The following ZNF491 variants were observed in gnomAD, a reference collection of about 807,000 sequenced individuals.
The protein encoded by ZNF491 is zinc finger protein 491.
A neutral mutation model predicts 34.7 loss-of-function variants in ZNF491; 22 were observed. That is an observed-to-expected ratio of 0.63 (90% CI 0.45 to 0.90). The LOEUF is 0.90. ZNF491 is among the 40% of genes least tolerant of loss of function. ZNF491 has a pLI of 0.00. For missense variants in ZNF491, 559 were observed against 531.7 expected, an observed-to-expected ratio of 1.05 and a Z score of -0.51; for synonymous variants, 148 against 174.3, an observed-to-expected ratio of 0.85 and a Z score of 1.19.
chr19:11,802,341 T>A (rs55972630), intron 1 of ZNF491, among the ~76,000 whole-genome samples: 1 of 152,198 alleles, frequency 6.6e-6, no homozygotes, highest in East Asian at 1.9e-4. Context: ...CCATTTGGCA[T>A]GTTTGATGTG....
At position 11,806,056 on chromosome 19, in the gene ZNF491, A is replaced by C. The variant is rs748492769; in HGVS notation, c.103A>C (p.Lys35Gln). 3 of 1,613,982 alleles carry C rather than the reference A, an allele frequency of 1.9e-6. No homozygotes were observed. The South Asian group carries it at 3.3e-5, about 18-fold the overall frequency. ...GAACAAGAAAACTCTTCCTGGAGTA[A>C]AATCATGTGAAAGTGGTACATGTGG... ...MLNKKTLPGV[K>Q]SCESGTCGEI... The change falls in exon 3 of 3, where the codon AAA (lysine) becomes CAA (glutamine). Residue 35 changes from lysine to glutamine, a missense_variant. Lys to Gln is a moderately conservative substitution (Grantham distance 53). Coordinates refer to ENST00000323169, the MANE Select transcript of ZNF491 (RefSeq NM_152356.4).
intron 1 of ZNF491, chr19:11,799,085 G>C (rs976545246): frequency 2.0e-5 from 3 of 152,304 alleles, no homozygotes; most frequent in African/African-American, 7.2e-5. Context: ...TTAAACTGAG[G>C]CTCTGTTAAC....
Position 11,806,625 on chromosome 19 carries a change from C to T in ZNF491, c.672C>T (p.Phe224=), listed in dbSNP as rs540252491. 237 of 1,613,842 alleles carry T rather than the reference C, an allele frequency of 1.5e-4. 2 individuals are homozygous for T. In the Middle Eastern group the frequency reaches 2.8e-3, roughly 19 times the overall value. Residue 224 remains phenylalanine, a synonymous_variant, in exon 3 of 3, where the codon TTC becomes TTT. Transcript: ENST00000323169. ...PYKCKECGKA[F]NCPSSFHRHE... is the part of the protein sequence containing the mutation. ...AATGTAAGGAATGTGGGAAAGCCTT[C>T]AATTGTCCCAGTTCTTTTCACAGGC...
chr19:11,806,793 T>C lies in ZNF491; in HGVS notation c.840T>C (p.Phe280=). The C allele has an allele frequency of 6.2e-7, 1 of 1,610,176 alleles. No individual in the cohort carries two copies. Among genetic ancestry groups the C allele is most frequent in the African/African-American group, 1.3e-5 (1 of 74,464 alleles). The change falls in exon 3 of 3, where the codon TTT becomes TTC. Residue 280 remains phenylalanine (F), a synonymous_variant. Transcript: ENST00000323169. ...PHKCKICGKA[F]YSPSSFQRHE... ...AATGTAAGATATGTGGGAAAGCCTT[T>C]TACTCTCCCAGTTCATTTCAAAGGC...
rs1975626910 is a variant in ZNF491 at position 11,807,126 on chromosome 19, C to A, written c.1173C>A (p.Ala391=). 1 of 1,612,638 alleles carries A rather than the reference C, an allele frequency of 6.2e-7. No homozygotes were observed. The highest frequency in any genetic ancestry group is 2.2e-5 in the East Asian group (1 of 44,850). Residue 391 remains alanine, a synonymous_variant, in exon 3 of 3, where the codon GCC becomes GCA. Coordinates refer to ENST00000323169, the MANE Select transcript of ZNF491 (RefSeq NM_152356.4). ...ATGAATGTAAGCATTGTGGGAAAGC[C>A]TTCACTTGTTCCATATATATTAGAA... ...KPYECKHCGK[A]FTCSIYIRIH... is the part of the protein sequence containing the mutation.
Position 11,806,257 on chromosome 19 carries a change from C to G in ZNF491, c.304C>G (p.Pro102Ala). The part of the protein sequence containing the change: ...THERPHTREK[P>A]FDCKECEKSF... Reference sequence around the variant, plus strand: ...TGAAAGGCCTCACACTAGAGAGAAACCTTTTGATTGTAAGGAATGTGAAAA... The same window carrying G: ...TGAAAGGCCTCACACTAGAGAGAAAGCTTTTGATTGTAAGGAATGTGAAAA... Residue 102 changes from proline to alanine, a missense_variant, in exon 3 of 3, where the codon CCT becomes GCT. Physicochemically the swap from Pro to Ala is conservative, Grantham distance 27. Transcript: ENST00000323169. The G allele has an allele frequency of 1.2e-6, 2 of 1,607,822 alleles. No homozygotes were observed. Among genetic ancestry groups the G allele is most frequent in the Non-Finnish European group, 1.7e-6 (2 of 1,178,464 alleles).
chr19:11,807,238 C>T lies in ZNF491; in HGVS notation c.1285C>T (p.His429Tyr). 1.9e-6 allele frequency: 3 copies of T among 1,557,044 alleles called. No homozygotes were observed. Among genetic ancestry groups the T allele is most frequent in the Non-Finnish European group, 2.6e-6 (3 of 1,157,538 alleles). ...AFIRSSYCRK[H>Y]ERTHTINI ...CATTCGTTCCAGTTACTGTCGAAAA[C>T]ATGAAAGAACTCACACTATTAATAT... Residue 429 changes from histidine (H) to tyrosine (Y), a missense_variant, in exon 3 of 3, where the codon CAT becomes TAT. Coordinates refer to ENST00000323169, the MANE Select transcript of ZNF491 (RefSeq NM_152356.4).
At chr19:11,804,808 G>T in intron 2 of ZNF491, 141 bp downstream of exon 2, 1 of 290,796 alleles carries the variant, frequency 3.4e-6, no homozygotes. Context: ...CCATAAACAT[G>T]GAATCTAATG....
chr19:11,800,605 C>T (rs1468389498), intron 1 of ZNF491, among the ~76,000 whole-genome samples: 5 of 151,062 alleles, frequency 3.3e-5, no homozygotes, highest in African/African-American at 7.3e-5. Flanking sequence ...ACTGCAACCT[C>T]GGCCTCCTGG....
In ZNF491 at chr19:11,807,069, A is replaced by C; in HGVS notation, c.1116A>C (p.Arg372Ser). The C allele has an allele frequency of 6.2e-7, 1 of 1,606,994 alleles. No homozygotes were observed. The highest frequency in any genetic ancestry group is 8.5e-7 in the Non-Finnish European group (1 of 1,177,698). The change falls in exon 3 of 3, where the codon AGA becomes AGC. Residue 372 changes from arginine to serine, a missense_variant. Arg to Ser is a moderately radical substitution (Grantham distance 110). Coordinates refer to ENST00000323169, the MANE Select transcript of ZNF491 (RefSeq NM_152356.4). ...KAFHCVSSFH[R>S]HERTHAGEKP... ...TTCATTGTGTCAGCTCCTTTCATAGACATGAAAGGACTCACGCTGGAGAAA... is the reference window on the plus strand; with the variant it reads ...TTCATTGTGTCAGCTCCTTTCATAGCCATGAAAGGACTCACGCTGGAGAAA...
rs892105934 is a variant in ZNF491 at position 11,805,164 on chromosome 19, C to T, written c.-8+497C>T. 2.6e-5 allele frequency among the ~76,000 whole-genome samples: 4 copies of T among 152,240 alleles called. No homozygotes were observed. The East Asian group carries it at 7.7e-4, about 29-fold the overall frequency. On this transcript the variant is annotated intron_variant, in intron 2 of 2. Transcript: ENST00000323169. Reference sequence around the variant, plus strand: ...GTGGCTCACGCCTGTAATCCCAGGACTTTGGGAGGCCAAGGTGGGCGGATC... The same window carrying T: ...GTGGCTCACGCCTGTAATCCCAGGATTTTGGGAGGCCAAGGTGGGCGGATC...
At chr19:11,801,572 T>C (rs1975559890) in intron 1 of ZNF491, among the ~76,000 whole-genome samples, 1 of 152,202 alleles carries the variant, frequency 6.6e-6, no homozygotes, top group Non-Finnish European at 1.5e-5. Context: ...GGAGAATTGC[T>C]TGAACCTGGG....
In ZNF491 at chr19:11,806,980, C is replaced by T. The variant is rs377331762; in HGVS notation, c.1027C>T (p.Arg343Ter). The T allele has an allele frequency of 7.4e-6, 12 of 1,612,874 alleles. No individual in the cohort carries two copies. Among genetic ancestry groups the T allele is most frequent in the Admixed American group, 1.7e-5 (1 of 59,774 alleles). ...AGCCTTCAGATCTGCCAAGTACATT[C>T]GAATACATGGAAGGACTCACACTGG... ...GKAFRSAKYI[R>*]IHGRTHTGEK... Residue 343 changes from arginine (R) to a stop codon, truncating the protein, a stop_gained, in exon 3 of 3, where the codon CGA becomes TGA. Coordinates refer to ENST00000323169, the MANE Select transcript of ZNF491 (RefSeq NM_152356.4). LOFTEE classifies it high-confidence loss of function.
intron 1 of ZNF491, among the ~76,000 whole-genome samples, chr19:11,803,682 T>A (rs925178660): frequency 6.6e-6 from 1 of 152,244 alleles, no homozygotes; most frequent in Non-Finnish European, 1.5e-5. Flanking sequence ...TTAGGTGTTT[T>A]GCAGGAGAAT....
intron 2 of ZNF491, 59 bp downstream of exon 2, chr19:11,804,726 C>G (rs1383856038): frequency 1.1e-6 from 1 of 890,162 alleles, no homozygotes; most frequent in African/African-American, 1.8e-5. Context: ...TCTAGTTCAT[C>G]AGTGCTATTC....
Position 11,807,213 on chromosome 19 carries a change from C to A in ZNF491, c.1260C>A (p.Phe420Leu). The stretch of plus-strand genomic sequence containing the variant: ...AATGTAAGGAATGTGGGAAAGCCTT[C>A]ATTCGTTCCAGTTACTGTCGAAAAC... ...PYQCKECGKA[F>L]IRSSYCRKHE... is the part of the protein sequence containing the mutation. Residue 420 changes from phenylalanine (F) to leucine (L), a missense_variant, in exon 3 of 3, where the codon TTC becomes TTA. By Grantham distance (22) the Phe-to-Leu change is conservative (BLOSUM62 0). Coordinates refer to ENST00000323169, the MANE Select transcript of ZNF491 (RefSeq NM_152356.4). The A allele has an allele frequency of 6.3e-7, 1 of 1,579,378 alleles. No individual in the cohort carries two copies. Among genetic ancestry groups the A allele is most frequent in the Non-Finnish European group, 8.6e-7 (1 of 1,166,550 alleles).
At chr19:11,801,462 C>T (rs527720598) in intron 1 of ZNF491, among the ~76,000 whole-genome samples, 1 of 152,150 alleles carries the variant, frequency 6.6e-6, no homozygotes, top group African/African-American at 2.4e-5. Flanking sequence ...CAAGACCAGC[C>T]TGGCCAACAT....
In ZNF491 at chr19:11,806,769, A is replaced by C; in HGVS notation, c.816A>C (p.Lys272Asn). ...MRMHTGERPH[K>N]CKICGKAFYS... is the part of the protein sequence containing the mutation. ...TGCACACTGGAGAGAGGCCTCATAA[A>C]TGTAAGATATGTGGGAAAGCCTTTT... The change falls in exon 3 of 3, where the codon AAA becomes AAC. Residue 272 changes from lysine to asparagine, a missense_variant. By Grantham distance (94) the Lys-to-Asn change is moderately conservative. Coordinates refer to ENST00000323169, the MANE Select transcript of ZNF491 (RefSeq NM_152356.4). The C allele has an allele frequency of 6.2e-7, 1 of 1,613,014 alleles. No individual in the cohort carries two copies. Among genetic ancestry groups the C allele is most frequent in the Non-Finnish European group, 8.5e-7 (1 of 1,179,642 alleles).
chr19:11,805,147 C>T (rs536165482), intron 2 of ZNF491, among the ~76,000 whole-genome samples: 13 of 152,196 alleles, frequency 8.5e-5, no homozygotes, highest in East Asian at 7.7e-4. Flanking sequence ...TGGTGGCTCA[C>T]GCCTGTAATC....
Sources: gnomAD v4.1 joint callset for allele counts (sites outside exome capture counted in the v4.1 genomes callset) on GRCh38, gnomAD v4.1.1 for gene constraint, MANE v1.5 for transcripts, NCBI Gene and HGNC (gene_info 2026-07-23, HGNC 2026-07-21) for gene names.